Variants in OXCT1 observed in about 807,000 individuals in gnomAD.
The protein encoded by OXCT1 is 3-oxoacid CoA-transferase 1.
In OXCT1, 27 loss-of-function variants were observed where a neutral mutation model predicts 69.6. The ratio of observed to expected loss-of-function variants is 0.39; its 90% CI spans 0.29 to 0.54. OXCT1 has a LOEUF of 0.54. Ranked by LOEUF, OXCT1 falls within the 20% of genes least tolerant of loss-of-function variation. The pLI is 0.72. For missense variants in OXCT1, 437 were observed against 650.2 expected, an observed-to-expected ratio of 0.67 and a Z score of 3.57; for synonymous variants, 202 against 217.8, an observed-to-expected ratio of 0.93 and a Z score of 0.64.
At chr5:41,742,477 A>C (rs1463664683) in intron 15 of OXCT1, among the ~76,000 whole-genome samples, 1 of 152,072 alleles carries the variant, frequency 6.6e-6, no homozygotes, top group East Asian at 1.9e-4. Flanking sequence ...TCTTTCTTTT[A>C]TTTTACTTTA....
intron 15 of OXCT1, among the ~76,000 whole-genome samples, chr5:41,740,241 A>G (rs1437662763): frequency 8.5e-5 from 13 of 152,226 alleles, no homozygotes; most frequent in Admixed American, 8.5e-4. Context: ...GATATTGGGT[A>G]AAGAATTACA....
intron 7 of OXCT1, among the ~76,000 whole-genome samples, chr5:41,816,488 T>C (rs1747252016): frequency 6.6e-6 from 1 of 152,176 alleles, no homozygotes; most frequent in Non-Finnish European, 1.5e-5. Flanking sequence ...GGTTCCAGGC[T>C]TTTCTAACTC....
chr5:41,844,586 T>C (rs546023488), intron 5 of OXCT1, among the ~76,000 whole-genome samples: 1 of 152,140 alleles, frequency 6.6e-6, no homozygotes, highest in East Asian at 1.9e-4. Context: ...ATTTAAATAC[T>C]ATATGCTGAT....
chr5:41,851,712 CTG>C (rs1252580054), intron 4 of OXCT1, among the ~76,000 whole-genome samples: 2 of 149,854 alleles, frequency 1.3e-5, no homozygotes, highest in African/African-American at 4.9e-5. Context: ...TGAGGAAAAA[CTG>C]TAAAAAAAAA....
chr5:41,769,820 G>GT (rs1744797021), intron 13 of OXCT1, among the ~76,000 whole-genome samples: 1 of 152,158 alleles, frequency 6.6e-6, no homozygotes, highest in South Asian at 2.1e-4. Context: ...TGTTGCCCAG[G>GT]TTGGGGTACA....
At chr5:41,823,695 C>T (rs1161473243) in intron 7 of OXCT1, among the ~76,000 whole-genome samples, 1 of 152,108 alleles carries the variant, frequency 6.6e-6, no homozygotes, top group Non-Finnish European at 1.5e-5. Context: ...CACGTTAGGC[C>T]TGAAATTGGA....
chr5:41,794,780 A>G (rs1326395157), intron 11 of OXCT1, 31 bp from the exon 12 acceptor site: 2 of 1,604,662 alleles, frequency 1.2e-6, no homozygotes, highest in Non-Finnish European at 1.7e-6. Flanking sequence ...AAGAAAGAAA[A>G]GGCTATTAGA....
Position 41,861,417 on chromosome 5 carries a change from C to A in OXCT1, c.188-13G>T. On this transcript the variant is annotated splice_polypyrimidine_tract_variant and intron_variant, in intron 2 of 16. Coordinates refer to ENST00000196371, the MANE Select transcript of OXCT1 (RefSeq NM_000436.4). ...CATAGCCCAAAACCTATATTAAGCCCAAAAAATAAACAATTTGTAAAGGGG... is the reference window on the plus strand; with the variant it reads ...CATAGCCCAAAACCTATATTAAGCCAAAAAAATAAACAATTTGTAAAGGGG... 1 of 1,507,852 alleles carries A rather than the reference C, an allele frequency of 6.6e-7. No homozygotes were observed. Among genetic ancestry groups the A allele is most frequent in the Non-Finnish European group, 9.2e-7 (1 of 1,083,788 alleles). The allele number at this position is 1,507,852 out of a possible 1,614,324, so 93.4% of individuals were successfully genotyped here. A position where few individuals can be genotyped will look rare whatever the true frequency, so the allele number is the denominator to read the frequency against.
rs2112475489 is a variant in OXCT1 at position 41,862,708 on chromosome 5, T to C, written c.121A>G (p.Lys41Glu). 6.2e-7 allele frequency: 1 copy of C among 1,613,340 alleles called. No homozygotes were observed. Among genetic ancestry groups the C allele is most frequent in the Non-Finnish European group, 8.5e-7 (1 of 1,179,510 alleles). The change falls in exon 2 of 17, where the codon AAG becomes GAG. Residue 41 changes from lysine to glutamate, a missense_variant. Lys to Glu is a moderately conservative substitution (Grantham distance 56). Around this residue, in one of 4 missense-constraint regions of OXCT1, gnomAD observed 79 missense variants for 61.5 expected, o/e 1.28. Coordinates refer to ENST00000196371, the MANE Select transcript of OXCT1 (RefSeq NM_000436.4). The part of the protein sequence containing the change: ...SFSTSAHRHT[K>E]FYTDPVEAVK... The stretch of plus-strand genomic sequence containing the variant: ...GCTTCTACTGGATCTGTATAAAACT[T>C]GGTATGGCGATGAGCACTGGTGGAA...
intron 15 of OXCT1, among the ~76,000 whole-genome samples, chr5:41,745,361 A>T (rs1401509899): frequency 6.6e-6 from 1 of 152,110 alleles, no homozygotes; most frequent in Non-Finnish European, 1.5e-5. Context: ...AATGAGAACA[A>T]AGACACAACA....
rs781058133 is a variant in OXCT1, at chr5:41,803,080, C to T, written c.1039G>A (p.Val347Ile). The T allele has an allele frequency of 1.9e-6, 3 of 1,608,814 alleles. No individual in the cohort carries two copies. Among genetic ancestry groups the T allele is most frequent in the African/African-American group, 2.7e-5 (2 of 74,704 alleles). ...AATTTTCATCTTACCAAACCCAGAA[C>T]TCCATTTTCACTTTGAAGATGAACA... is the stretch of plus-strand genomic sequence containing the variant. ...ITVHLQSENG[V>I]LGLGPYPRQH... The change falls in exon 10 of 17, where the codon GTT becomes ATT. Residue 347 changes from valine (V) to isoleucine (I), a missense_variant. Val to Ile is a conservative substitution (Grantham distance 29). Coordinates refer to ENST00000196371, the MANE Select transcript of OXCT1 (RefSeq NM_000436.4).
chr5:41,821,057 T>A (rs1747522997), intron 7 of OXCT1, among the ~76,000 whole-genome samples: 1 of 152,166 alleles, frequency 6.6e-6, no homozygotes, highest in Non-Finnish European at 1.5e-5. Flanking sequence ...ATGTAGCAAA[T>A]CCTTAACATT....
chr5:41,859,888 T>TA (rs1341098820), intron 3 of OXCT1, among the ~76,000 whole-genome samples: 1 of 97,460 alleles, frequency 1.0e-5, no homozygotes, highest in Non-Finnish European at 2.4e-5. Context: ...TATATATATG[T>TA]AATATATATA....
intron 5 of OXCT1, among the ~76,000 whole-genome samples, chr5:41,843,133 C>A (rs2112410227): frequency 6.6e-6 from 1 of 152,258 alleles, no homozygotes; most frequent in East Asian, 1.9e-4. Flanking sequence ...TCCCTCTCCC[C>A]TGAAAAAACA....
intron 15 of OXCT1, among the ~76,000 whole-genome samples, chr5:41,747,085 T>C (rs1415818917): frequency 6.6e-6 from 1 of 152,124 alleles, no homozygotes; most frequent in Admixed American, 6.6e-5. Context: ...AAATCTAATT[T>C]ATTGTGTCCC....
chr5:41,841,961 T>C (rs1748646790), intron 6 of OXCT1, among the ~76,000 whole-genome samples: 1 of 152,086 alleles, frequency 6.6e-6, no homozygotes, highest in South Asian at 2.1e-4. Context: ...AAGCAGCAAA[T>C]GATAAATAAG....
chr5:41,798,109 T>C (rs1041200546), intron 11 of OXCT1, among the ~76,000 whole-genome samples: 1 of 151,738 alleles, frequency 6.6e-6, no homozygotes, highest in Non-Finnish European at 1.5e-5. Context: ...GGGATAAAAA[T>C]GGAATGGAGC....
intron 5 of OXCT1, among the ~76,000 whole-genome samples, chr5:41,846,564 C>A (rs1748917011): frequency 1.3e-5 from 2 of 151,582 alleles, no homozygotes. Context: ...CAAGTCTTTG[C>A]TATTGTGAAT....
intron 14 of OXCT1, among the ~76,000 whole-genome samples, chr5:41,751,080 AT>A (rs1743759866): frequency 6.6e-6 from 1 of 152,076 alleles, no homozygotes; most frequent in South Asian, 2.1e-4. Flanking sequence ...ACTTCTAATT[AT>A]TTTTCTTTTA....
Sources: gnomAD v4.1 joint callset for allele counts (sites outside exome capture counted in the v4.1 genomes callset) on GRCh38, gnomAD v4.1.1 for gene constraint, gnomAD v4.1.1 regional missense constraint, MANE v1.5 for transcripts, NCBI Gene and HGNC (gene_info 2026-07-23, HGNC 2026-07-21) for gene names.